TRPC4: variants seen among roughly 807,000 people sequenced by gnomAD.
The protein encoded by TRPC4 is short transient receptor potential channel 4.
TRPC4 carries 49 observed loss-of-function variants against 99.4 expected under a neutral mutation model. That is an observed-to-expected ratio of 0.49 (90% CI 0.39 to 0.63). The LOEUF (loss-of-function observed/expected upper bound fraction) is 0.63, where lower values mean the gene tolerates loss of function less well. TRPC4 is among the 20% of genes least tolerant of loss of function. The pLI, the probability that TRPC4 is intolerant of heterozygous loss-of-function variation, is 0.00. For missense variants in TRPC4, 898 were observed against 1,152.9 expected (o/e 0.78, Z 3.20); for synonymous variants, 454 against 425.9 (o/e 1.07, Z -0.81).
At chr13:37,811,444 G>A (rs567340819) in intron 1 of TRPC4, among the ~76,000 whole-genome samples, 14 of 152,278 alleles carry the variant, frequency 9.2e-5, no homozygotes, top group African/African-American at 3.1e-4. Context: ...GAGTTTGCAG[G>A]TTGTGATACA....
intron 4 of TRPC4, among the ~76,000 whole-genome samples, chr13:37,678,622 C>T (rs913377214): frequency 6.6e-6 from 1 of 151,952 alleles, no homozygotes; most frequent in East Asian, 1.9e-4. Flanking sequence ...AATATCCTTC[C>T]AACAACAAAA....
intron 2 of TRPC4, among the ~76,000 whole-genome samples, chr13:37,765,959 C>T (rs1956353220): frequency 1.4e-5 from 2 of 146,312 alleles, no homozygotes; most frequent in South Asian, 4.4e-4. Flanking sequence ...AGATTAAAAC[C>T]ACACCAAGAT....
intron 1 of TRPC4, among the ~76,000 whole-genome samples, chr13:37,828,049 T>C (rs1476301939): frequency 3.9e-5 from 6 of 152,186 alleles, no homozygotes; most frequent in Non-Finnish European, 7.3e-5. Flanking sequence ...GTGCCGTCCG[T>C]CACCCCTTTC....
chr13:37,821,992 G>T (rs10047798), intron 1 of TRPC4, among the ~76,000 whole-genome samples: 1,972 of 152,026 alleles, frequency 0.013, 41 homozygotes, highest in African/African-American at 0.045. Context: ...ACTTCACACA[G>T]GAAAAGAAAC....
intron 3 of TRPC4, among the ~76,000 whole-genome samples, chr13:37,741,516 CAACCTTA>C (rs1261027463): frequency 1.3e-5 from 2 of 152,134 alleles, no homozygotes; most frequent in African/African-American, 4.8e-5. Flanking sequence ...GTCAAGGGAG[CAACCTTA>C]AACCTTAAAC....
chr13:37,868,462 G>T (rs1959921786), intron 1 of TRPC4, among the ~76,000 whole-genome samples: 2 of 151,892 alleles, frequency 1.3e-5, no homozygotes, highest in Admixed American at 1.3e-4. Context: ...GTCTAATTTA[G>T]AGTTTTACCA....
chr13:37,825,649 A>T (rs1465092476), intron 1 of TRPC4, among the ~76,000 whole-genome samples: 1 of 141,544 alleles, frequency 7.1e-6, no homozygotes, highest in African/African-American at 2.6e-5. Context: ...AGTTTGTTAT[A>T]ATTTCTGTTC....
chr13:37,832,503 C>G (rs1958450422), intron 1 of TRPC4, among the ~76,000 whole-genome samples: 2 of 152,108 alleles, frequency 1.3e-5, no homozygotes, highest in Admixed American at 6.5e-5. Flanking sequence ...CATGCCACTG[C>G]ACTCCAGCCT....
chr13:37,690,595 C>T (rs796671833), intron 4 of TRPC4, among the ~76,000 whole-genome samples: 11 of 152,232 alleles, frequency 7.2e-5, no homozygotes, highest in African/African-American at 1.9e-4. Context: ...GTGTCCTGCC[C>T]GGCCTGACCC....
At chr13:37,743,137 G>T (rs1187577248) in intron 3 of TRPC4, among the ~76,000 whole-genome samples, 2 of 152,030 alleles carry the variant, frequency 1.3e-5, no homozygotes, top group Admixed American at 6.6e-5. Context: ...GGGGAGGATT[G>T]CTTGAACCCA....
chr13:37,749,080 T>C (rs1044812565), intron 2 of TRPC4, among the ~76,000 whole-genome samples: 4 of 152,110 alleles, frequency 2.6e-5, no homozygotes, highest in South Asian at 2.1e-4. Flanking sequence ...TCTCACAATA[T>C]CTGGCTGTTT....
chr13:37,786,705 G>C (rs2139367433), intron 1 of TRPC4, among the ~76,000 whole-genome samples: 1 of 151,996 alleles, frequency 6.6e-6, no homozygotes, highest in Non-Finnish European at 1.5e-5. Flanking sequence ...ACTTTGGAGG[G>C]GAAATGATTT....
At chr13:37,648,897 G>A (rs1388959499) in intron 8 of TRPC4, among the ~76,000 whole-genome samples, 1 of 152,158 alleles carries the variant, frequency 6.6e-6, no homozygotes, top group Non-Finnish European at 1.5e-5. Context: ...AAACATCAGA[G>A]CAGGACCCTG....
intron 1 of TRPC4, among the ~76,000 whole-genome samples, chr13:37,783,854 T>TTTTTG (rs750764923): frequency 1.2e-3 from 183 of 152,066 alleles, no homozygotes; most frequent in Middle Eastern, 3.4e-3. Flanking sequence ...ATATATTTGT[T>TTTTTG]TTTTGTTTTG....
chr13:37,860,523 C>T (rs904439767), intron 1 of TRPC4, among the ~76,000 whole-genome samples: 1 of 151,422 alleles, frequency 6.6e-6, no homozygotes, highest in Non-Finnish European at 1.5e-5. Context: ...AATTTTCTTA[C>T]ATAGACTAGG....
At chr13:37,781,373 T>C (rs1299395569) in intron 2 of TRPC4, among the ~76,000 whole-genome samples, 1 of 152,056 alleles carries the variant, frequency 6.6e-6, no homozygotes, top group Non-Finnish European at 1.5e-5. Flanking sequence ...TCATTGCTAT[T>C]AGAAAATGCA....
At chr13:37,728,918 T>C (rs953806014) in intron 3 of TRPC4, among the ~76,000 whole-genome samples, 1 of 152,018 alleles carries the variant, frequency 6.6e-6, no homozygotes, top group Non-Finnish European at 1.5e-5. Flanking sequence ...GCCAAGACCA[T>C]TCAATAGGGG....
chr13:37,762,486 G>T (rs1421650829), intron 2 of TRPC4, among the ~76,000 whole-genome samples: 1 of 151,482 alleles, frequency 6.6e-6, no homozygotes, highest in Non-Finnish European at 1.5e-5. Flanking sequence ...AACAATGATA[G>T]ACTGGATTAA....
chr13:37,700,873 C>T (rs1358689553), intron 3 of TRPC4, among the ~76,000 whole-genome samples: 1 of 152,128 alleles, frequency 6.6e-6, no homozygotes, highest in Admixed American at 6.5e-5. Context: ...TCTCTAATCT[C>T]TTTTCTGTCT....
Sources: gnomAD v4.1 joint callset for allele counts (sites outside exome capture counted in the v4.1 genomes callset) on GRCh38, gnomAD v4.1.1 for gene constraint, MANE v1.5 for transcripts, NCBI Gene and HGNC (gene_info 2026-07-23, HGNC 2026-07-21) for gene names.